Variants in CPVL observed in about 807,000 individuals in gnomAD.
The protein encoded by CPVL is carboxypeptidase vitellogenic like, also known as probable serine carboxypeptidase CPVL.
In CPVL, 51 loss-of-function variants were observed where a neutral mutation model predicts 63.7. The observed-to-expected ratio is 0.80, with a 90% CI of 0.64 to 1.01. CPVL has a LOEUF of 1.01. Ranked by LOEUF, CPVL falls within the 50% of genes least tolerant of loss-of-function variation. CPVL has a pLI of 0.00. For missense variants in CPVL, 530 were observed against 573.1 expected (o/e 0.92, Z 0.77); for synonymous variants, 195 against 206.0 (o/e 0.95, Z 0.46).
At chr7:29,007,752 AACAC>A (rs70977090) in intron 12 of CPVL, among the ~76,000 whole-genome samples, 14 of 150,012 alleles carry the variant, frequency 9.3e-5, no homozygotes, top group South Asian at 6.3e-4. Context: ...GTAGTATTAA[AACAC>A]ACACACACAC....
chr7:29,170,770 C>G (rs1796495983), intron 5 of CPVL, among the ~76,000 whole-genome samples: 1 of 152,196 alleles, frequency 6.6e-6, no homozygotes, highest in African/African-American at 2.4e-5. Context: ...ACTTATAGTT[C>G]CATATGGCTG....
At chr7:29,135,676 GTTATTTATTTATTT>G (rs1791140184) in intron 1 of CPVL, among the ~76,000 whole-genome samples, 1 of 151,774 alleles carries the variant, frequency 6.6e-6, no homozygotes. Flanking sequence ...ATACATAAGA[GTTATTTATTTATTT>G]TTATTTATTT....
intron 11 of CPVL, among the ~76,000 whole-genome samples, chr7:29,048,115 T>C (rs1476521508): frequency 4.6e-5 from 7 of 151,956 alleles, no homozygotes; most frequent in Admixed American, 4.6e-4. Context: ...ACACGGGACC[T>C]ATAAAACAAA....
At chr7:29,133,291 T>C (rs1790882040) in intron 1 of CPVL, among the ~76,000 whole-genome samples, 1 of 152,242 alleles carries the variant, frequency 6.6e-6, no homozygotes, top group Non-Finnish European at 1.5e-5. Context: ...TCCATATTTC[T>C]AAATTCAAAA....
At chr7:29,175,473 G>A (rs148774697) in intron 5 of CPVL, among the ~76,000 whole-genome samples, 161 of 152,202 alleles carry the variant, frequency 1.1e-3, no homozygotes, top group Non-Finnish European at 1.9e-3. Context: ...ACCATGCCTG[G>A]CTGAGAGCTG....
intron 12 of CPVL, among the ~76,000 whole-genome samples, chr7:29,020,767 A>G (rs1786881835): frequency 6.6e-6 from 1 of 152,252 alleles, no homozygotes; most frequent in South Asian, 2.1e-4. Flanking sequence ...TATAATCAAG[A>G]AAAATAAAGA....
intron 11 of CPVL, among the ~76,000 whole-genome samples, chr7:29,031,712 AACTC>A (rs1788035861): frequency 6.6e-6 from 1 of 152,282 alleles, no homozygotes; most frequent in South Asian, 2.1e-4. Flanking sequence ...TATAATGAAA[AACTC>A]AAACACAATC....
At chr7:29,164,792 A>C (rs1036387379) in intron 5 of CPVL, among the ~76,000 whole-genome samples, 4 of 151,780 alleles carry the variant, frequency 2.6e-5, no homozygotes, top group Admixed American at 6.6e-5. Context: ...AAAAAAAAAA[A>C]AAAAAAAAAC....
chr7:29,188,475 G>T (rs1263099644), intron 1 of CPVL, among the ~76,000 whole-genome samples: 1 of 152,034 alleles, frequency 6.6e-6, no homozygotes, highest in African/African-American at 2.4e-5. Context: ...CAGAAGATTG[G>T]CTCAGATATT....
intron 1 of CPVL, among the ~76,000 whole-genome samples, chr7:29,129,980 G>C (rs1025314975): frequency 6.6e-6 from 1 of 152,194 alleles, no homozygotes; most frequent in African/African-American, 2.4e-5. Flanking sequence ...ACAGCTAGAA[G>C]AGGCAGGGAA....
At position 29,101,552 on chromosome 7, in the gene CPVL, G is replaced by A. The variant is rs548371224; in HGVS notation, c.289-5335C>T. On this transcript the variant is annotated intron_variant, in intron 3 of 12. Coordinates refer to ENST00000265394, the MANE Select transcript of CPVL (RefSeq NM_031311.5). The stretch of plus-strand genomic sequence containing the variant: ...GGAGCTTGCAGTGAGCCAAAATAGC[G>A]CCACTGCACTCCAGCCTGGGCGACA... Among the ~76,000 whole-genome samples the A allele has an allele frequency of 1.2e-3, 176 of 152,222 alleles. 4 individuals carry two copies. In the South Asian group the frequency reaches 0.028, roughly 24 times the overall value.
At chr7:29,162,370 A>G (rs1584492498) in intron 5 of CPVL, among the ~76,000 whole-genome samples, 3 of 152,204 alleles carry the variant, frequency 2.0e-5, no homozygotes, top group African/African-American at 7.2e-5. Flanking sequence ...GATCTTAAGA[A>G]CATTATGATG....
intron 1 of CPVL, among the ~76,000 whole-genome samples, chr7:29,140,224 G>A (rs996990742): frequency 1.3e-5 from 2 of 152,124 alleles, no homozygotes; most frequent in Admixed American, 1.3e-4. Flanking sequence ...AGGATTATTT[G>A]AGCCTAGGAG....
chr7:29,186,440 C>T (rs1798726732), intron 2 of CPVL: 1 of 152,052 alleles, frequency 6.6e-6, no homozygotes, highest in African/African-American at 2.4e-5. Flanking sequence ...AAAAAGCAGC[C>T]ACGTGCCTGT....
rs1273756056 is a variant in CPVL, at chr7:29,074,017, C to A, written c.610-1594G>T. ...GGGTCTGTAGTTCAAAGGCTGGGAA[C>A]CCCTGAAAGCTCTTATTTTATCCAC... On this transcript the variant is annotated intron_variant, in intron 7 of 12. Transcript: ENST00000265394. 3.9e-5 allele frequency among the ~76,000 whole-genome samples: 6 copies of A among 152,286 alleles called. No individual in the cohort carries two copies. In the South Asian group the frequency reaches 1.0e-3, roughly 26 times the overall value.
intron 3 of CPVL, among the ~76,000 whole-genome samples, chr7:29,098,306 A>G (rs867079486): frequency 6.6e-6 from 1 of 152,128 alleles, no homozygotes; most frequent in Non-Finnish European, 1.5e-5. Flanking sequence ...GAGGGCACAG[A>G]GGAACTTTCC....
At chr7:29,101,071 A>G (rs1331593792) in intron 3 of CPVL, among the ~76,000 whole-genome samples, 2 of 152,194 alleles carry the variant, frequency 1.3e-5, no homozygotes, top group Non-Finnish European at 2.9e-5. Context: ...CCTTAGGGTG[A>G]TATATTCAGC....
intron 7 of CPVL, among the ~76,000 whole-genome samples, chr7:29,080,703 G>T (rs1009828869): frequency 2.7e-4 from 41 of 152,018 alleles, no homozygotes; most frequent in African/African-American, 8.5e-4. Context: ...AACAAACATG[G>T]CTCTCGCATA....
chr7:29,002,779 G>A (rs1302112945), intron 12 of CPVL, among the ~76,000 whole-genome samples: 1 of 150,818 alleles, frequency 6.6e-6, no homozygotes, highest in African/African-American at 2.4e-5. Context: ...AATAGATTAG[G>A]CATGCAGAAG....
Sources: allele counts gnomAD v4.1 joint callset (sites outside exome capture counted in the v4.1 genomes callset), GRCh38; gene constraint gnomAD v4.1.1; transcripts MANE v1.5; gene names NCBI Gene and HGNC (gene_info 2026-07-23, HGNC 2026-07-21).